The following PNPLA1 variants were observed in gnomAD, a reference collection of about 807,000 sequenced individuals.
PNPLA1 encodes the protein patatin like domain 1, omega-hydroxyceramide transacylase.
Under a neutral mutation model 51.7 loss-of-function variants are expected in PNPLA1, and 36 were observed. The ratio of observed to expected loss-of-function variants is 0.70; its 90% CI spans 0.53 to 0.92. PNPLA1 has a LOEUF of 0.92. PNPLA1 is among the 40% of genes least tolerant of loss of function. The probability of loss-of-function intolerance (pLI) is 0.00; values close to 1 mark genes in which losing one functional copy is unlikely to be tolerated. For synonymous variants in PNPLA1, 293 were observed against 280.1 expected (o/e 1.05, Z -0.46); for missense variants, 658 against 682.5 (o/e 0.96, Z 0.40).
intron 1 of PNPLA1, among the ~76,000 whole-genome samples, chr6:36,260,761 TTTTA>T (rs972799474): frequency 1.3e-5 from 2 of 152,232 alleles, no homozygotes; most frequent in African/African-American, 4.8e-5. Context: ...TTTCGATTAT[TTTTA>T]TTTATTTTGT....
intron 1 of PNPLA1, among the ~76,000 whole-genome samples, chr6:36,259,830 TAGGG>T (rs1276241757): frequency 6.6e-6 from 1 of 152,018 alleles, no homozygotes; most frequent in African/African-American, 2.4e-5. Flanking sequence ...TGGGATCTAC[TAGGG>T]AGGGAGGGAG....
chr6:36,313,017 A>T lies in PNPLA1; in HGVS notation c.*1131A>T, dbSNP rs1771439800. On this transcript the variant is annotated 3_prime_UTR_variant, in exon 9 of 9. Coordinates refer to ENST00000636260, the MANE Select transcript of PNPLA1 (RefSeq NM_001374623.1). ...GTTTGGTTTTTAATTCTTACAGTGT[A>T]CTAACGGCTTGGCCTGAGCTGGTCA... Among the ~76,000 whole-genome samples the T allele has an allele frequency of 1.3e-5, 2 of 152,252 alleles. No individual in the cohort carries two copies. Among genetic ancestry groups the T allele is most frequent in the East Asian group, 3.9e-4 (2 of 5,174 alleles).
chr6:36,300,320 G>A (rs886600147), intron 5 of PNPLA1, among the ~76,000 whole-genome samples: 2 of 151,808 alleles, frequency 1.3e-5, no homozygotes, highest in Non-Finnish European at 2.9e-5. Flanking sequence ...TCAGCCTCCC[G>A]AGTAGCTGGG....
chr6:36,313,820 T>C lies in PNPLA1; in HGVS notation c.*1934T>C, dbSNP rs532275029. Among the ~76,000 whole-genome samples the C allele has an allele frequency of 1.3e-5, 2 of 152,358 alleles. No individual in the cohort carries two copies. The highest frequency in any genetic ancestry group is 4.1e-4 in the South Asian group (2 of 4,830). ...CTCTCTTGCACAGCCCAGGAATGCT[T>C]GTTCCCTGGGACCCAAGGAAGACTC... On this transcript the variant is annotated 3_prime_UTR_variant, in exon 9 of 9. Coordinates refer to ENST00000636260, the MANE Select transcript of PNPLA1 (RefSeq NM_001374623.1).
At position 36,312,648 on chromosome 6, in the gene PNPLA1, C is replaced by T. The variant is rs1771432943; in HGVS notation, c.*762C>T. On this transcript the variant is annotated 3_prime_UTR_variant, in exon 9 of 9. Transcript: ENST00000636260. ...GCCTGCTTCTCACTGCTGTCCGGCA[C>T]ACTCCCCTGACTCTGGGCCCTTTTG... Among the ~76,000 whole-genome samples the T allele has an allele frequency of 6.6e-6, 1 of 152,226 alleles. No homozygotes were observed. The highest frequency in any genetic ancestry group is 1.5e-5 in the Non-Finnish European group (1 of 68,044).
chr6:36,307,847 A>T, intron 8 of PNPLA1, 135 bp downstream of exon 8: 1 of 1,154,828 alleles, frequency 8.7e-7, no homozygotes, highest in Non-Finnish European at 1.2e-6. Flanking sequence ...TGGAACAGAC[A>T]CATCCGACAT....
At chr6:36,271,064 C>T (rs1474176602) in intron 1 of PNPLA1, among the ~76,000 whole-genome samples, 2 of 152,188 alleles carry the variant, frequency 1.3e-5, no homozygotes, top group African/African-American at 4.8e-5. Flanking sequence ...AATGCAAATA[C>T]CCTTGGGAGA....
intron 5 of PNPLA1, among the ~76,000 whole-genome samples, chr6:36,296,738 C>T (rs116419702): frequency 0.025 from 3,775 of 152,232 alleles, 49 homozygotes; most frequent in Middle Eastern, 0.092. Flanking sequence ...ATGGAGAAAA[C>T]CTGGGCCCTG....
chr6:36,259,014 A>C (rs1181822476), intron 1 of PNPLA1, among the ~76,000 whole-genome samples: 1 of 152,218 alleles, frequency 6.6e-6, no homozygotes, highest in Non-Finnish European at 1.5e-5. Context: ...GTGCTGCCCC[A>C]CTATGGCAGT....
At chr6:36,252,318 T>G (rs896523145) in intron 1 of PNPLA1, among the ~76,000 whole-genome samples, 2 of 152,172 alleles carry the variant, frequency 1.3e-5, no homozygotes, top group African/African-American at 4.8e-5. Flanking sequence ...TGTAATCCAC[T>G]GCACATTGAG....
upstream of PNPLA1, among the ~76,000 whole-genome samples, chr6:36,265,903 G>C (rs1769748730): frequency 6.6e-6 from 1 of 152,194 alleles, no homozygotes; most frequent in Admixed American, 6.5e-5. Context: ...TGGTCTGTGT[G>C]ACCAATAGAA....
In PNPLA1 at chr6:36,294,118, C is replaced by A; in HGVS notation, c.505-72C>A. 3 of 1,547,378 alleles carry A rather than the reference C, an allele frequency of 1.9e-6. No homozygotes were observed. Among genetic ancestry groups the A allele is most frequent in the Non-Finnish European group, 2.6e-6 (3 of 1,133,674 alleles). On this transcript the variant is annotated intron_variant, in intron 3 of 8. Coordinates refer to ENST00000636260, the MANE Select transcript of PNPLA1 (RefSeq NM_001374623.1). This position sits in a 1 kb window ranked among gnomAD's most constrained non-coding sequence, Gnocchi z 4.2. ...TGAAGCTGGTGCCATATCCCATGGG[C>A]CATTTCGATGTACCCCGAGTGGGGC... is the stretch of plus-strand genomic sequence containing the variant.
intron 8 of PNPLA1, among the ~76,000 whole-genome samples, chr6:36,309,666 A>G (rs545913197): frequency 6.6e-6 from 1 of 152,338 alleles, no homozygotes; most frequent in Non-Finnish European, 1.5e-5. Flanking sequence ...AACTGTGGGA[A>G]GCATTGTTGT....
In PNPLA1 at chr6:36,302,219, C is replaced by T; in HGVS notation, c.1134C>T (p.His378=). ...CACCTGTATCATTCCCAGCTGTGCA[C>T]AAGCCACCCAGCTCCACACCTGGTT... ...GMPPVSFPAV[H]KPPSSTPGSS... is the part of the protein sequence containing the mutation. The change falls in exon 6 of 9, where the codon CAC becomes CAT. Residue 378 remains histidine (H), a synonymous_variant. Transcript: ENST00000636260. 6.2e-7 allele frequency: 1 copy of T among 1,613,694 alleles called. No homozygotes were observed. Among genetic ancestry groups the T allele is most frequent in the South Asian group, 1.1e-5 (1 of 91,062 alleles).
chr6:36,280,175 C>T (rs1167828891), intron 1 of PNPLA1, among the ~76,000 whole-genome samples: 1 of 152,212 alleles, frequency 6.6e-6, no homozygotes, highest in Non-Finnish European at 1.5e-5. Context: ...CACTGCACTC[C>T]AGCCTGGCAA....
intron 6 of PNPLA1, among the ~76,000 whole-genome samples, chr6:36,305,925 T>G (rs183227991): frequency 1.3e-5 from 2 of 152,096 alleles, no homozygotes; most frequent in Non-Finnish European, 2.9e-5. Context: ...AGCTAAATTT[T>G]TGTATTTTTA....
At chr6:36,304,441 C>T (rs543931892) in intron 6 of PNPLA1, among the ~76,000 whole-genome samples, 22 of 152,120 alleles carry the variant, frequency 1.4e-4, no homozygotes, top group African/African-American at 2.4e-4. Context: ...GCCTAGCCAA[C>T]GTGGTGAAAC....
intron 8 of PNPLA1, 170 bp downstream of exon 8, chr6:36,307,882 C>T: frequency 3.7e-6 from 3 of 800,382 alleles, no homozygotes; most frequent in South Asian, 4.5e-5. Context: ...GCCACAGCTC[C>T]ACTCAGGGAT....
At chr6:36,311,461 T>C (rs1438246253) in intron 8 of PNPLA1, among the ~76,000 whole-genome samples, 1 of 152,182 alleles carries the variant, frequency 6.6e-6, no homozygotes, top group South Asian at 2.1e-4. Context: ...TCAGGCTGCC[T>C]TGGATGACCG....
Sources: allele counts gnomAD v4.1 joint callset (sites outside exome capture counted in the v4.1 genomes callset), GRCh38; gene constraint gnomAD v4.1.1; non-coding constraint Gnocchi (gnomAD v3.1); transcripts MANE v1.5; gene names NCBI Gene and HGNC (gene_info 2026-07-23, HGNC 2026-07-21).